Variants in WDR70 observed in about 807,000 individuals in gnomAD.
The protein encoded by WDR70 is WD repeat domain 70, also known as WD repeat-containing protein 70.
Under a neutral mutation model 88.6 loss-of-function variants are expected in WDR70, and 53 were observed. That is an observed-to-expected ratio of 0.60 (90% confidence interval 0.48 to 0.75). WDR70 has a LOEUF of 0.75. Among genes scored for constraint, WDR70 ranks in the 30% least tolerant of loss-of-function variants. The pLI, the probability that WDR70 is intolerant of heterozygous loss-of-function variation, is 0.00. For missense variants in WDR70, 610 were observed against 823.2 expected, an observed-to-expected ratio of 0.74 and a Z score of 3.17; for synonymous variants, 280 against 270.0, an observed-to-expected ratio of 1.04 and a Z score of -0.36.
chr5:37,609,565 T>C (rs1413988653), intron 10 of WDR70, among the ~76,000 whole-genome samples: 1 of 152,086 alleles, frequency 6.6e-6, no homozygotes, highest in Non-Finnish European at 1.5e-5. Context: ...TAGACACAGG[T>C]GATGGGAGGG....
Position 37,739,683 on chromosome 5 carries a change from T to C in WDR70, c.1877+12638T>C, listed in dbSNP as rs568117434. ...TATATACTTTAAGTTCTGGGATACA[T>C]GTGCAGAACATACAGGTTTGTTACA... On this transcript the variant is annotated intron_variant, in intron 17 of 17. Transcript: ENST00000265107. Among the ~76,000 whole-genome samples the C allele has an allele frequency of 9.2e-5, 14 of 152,278 alleles. No individual in the cohort carries two copies. In the East Asian group the frequency reaches 2.7e-3, roughly 29 times the overall value.
chr5:37,462,511 T>G (rs1739037397), intron 7 of WDR70, among the ~76,000 whole-genome samples: 1 of 152,052 alleles, frequency 6.6e-6, no homozygotes, highest in African/African-American at 2.4e-5. Flanking sequence ...ACCGTGTTAG[T>G]TAGGATGGTC....
intron 10 of WDR70, among the ~76,000 whole-genome samples, chr5:37,677,898 T>A (rs1186226476): frequency 6.6e-6 from 1 of 152,210 alleles, no homozygotes; most frequent in Non-Finnish European, 1.5e-5. Context: ...AGGACTTGCT[T>A]TATGAATCTG....
chr5:37,381,976 T>G (rs968931045), intron 3 of WDR70, among the ~76,000 whole-genome samples: 1 of 148,712 alleles, frequency 6.7e-6, no homozygotes, highest in Non-Finnish European at 1.5e-5. Flanking sequence ...TCAGTTGAAG[T>G]CGGGAGGCAG....
chr5:37,390,488 G>A (rs1398721567), intron 3 of WDR70, among the ~76,000 whole-genome samples: 2 of 151,142 alleles, frequency 1.3e-5, no homozygotes, highest in Admixed American at 6.6e-5. Flanking sequence ...TACAGGCGCC[G>A]GCCACTACGC....
intron 8 of WDR70, among the ~76,000 whole-genome samples, chr5:37,509,449 A>G (rs890765035): frequency 6.6e-6 from 1 of 151,680 alleles, no homozygotes; most frequent in African/African-American, 2.4e-5. Context: ...AAAAAAAAAA[A>G]TTCTGGCCTC....
chr5:37,752,098 C>A (rs545861106), intron 17 of WDR70, among the ~76,000 whole-genome samples: 4 of 152,264 alleles, frequency 2.6e-5, no homozygotes, highest in African/African-American at 9.6e-5. Context: ...AATAAATGGT[C>A]TTAATAAAGA....
intron 10 of WDR70, chr5:37,619,972 A>G (rs867580512): frequency 7.0e-6 from 1 of 142,350 alleles, no homozygotes; most frequent in South Asian, 2.2e-4. Flanking sequence ...GCAAAATGAT[A>G]CAAAACTGTC....
chr5:37,512,269 C>T (rs887553429), intron 8 of WDR70, among the ~76,000 whole-genome samples: 1 of 151,990 alleles, frequency 6.6e-6, no homozygotes. Flanking sequence ...GTTGCCCAGG[C>T]TGGAGTGTAG....
chr5:37,542,400 C>T (rs566668771), intron 9 of WDR70, among the ~76,000 whole-genome samples: 2 of 152,034 alleles, frequency 1.3e-5, no homozygotes, highest in African/African-American at 2.4e-5. Context: ...CTGCCTCAGC[C>T]TCCTGAGTAG....
rs112399515 is a variant in WDR70, at chr5:37,476,904, A to G, written c.687-2930A>G. 7.3e-3 allele frequency among the ~76,000 whole-genome samples: 1,113 copies of G among 152,290 alleles called. 17 individuals are homozygous for G. The highest frequency in any genetic ancestry group is 0.025 in the African/African-American group (1,048 of 41,560). The stretch of plus-strand genomic sequence containing the variant: ...TAGGCTGGAGTGTAGTGACGCGATC[A>G]TAGCTCATTGCATAGCTGGGATTAT... On this transcript the variant is annotated intron_variant, in intron 7 of 17. Transcript: ENST00000265107.
intron 7 of WDR70, among the ~76,000 whole-genome samples, chr5:37,463,199 G>T (rs1227983501): frequency 2.0e-5 from 3 of 152,150 alleles, no homozygotes; most frequent in African/African-American, 7.2e-5. Flanking sequence ...TGGAACCCAG[G>T]AGGTGGTGGT....
intron 10 of WDR70, among the ~76,000 whole-genome samples, chr5:37,616,418 A>C (rs549361664): frequency 2.0e-5 from 3 of 152,152 alleles, no homozygotes; most frequent in Admixed American, 6.5e-5. Context: ...TAAATCAAAA[A>C]ACTTTTTAGT....
chr5:37,546,780 G>T (rs576444738), intron 9 of WDR70, among the ~76,000 whole-genome samples: 1 of 152,004 alleles, frequency 6.6e-6, no homozygotes, highest in African/African-American at 2.4e-5. Context: ...TTAGCCAGGC[G>T]TGGTGGCACA....
chr5:37,461,121 AAAAAT>A (rs1184240582), intron 7 of WDR70, among the ~76,000 whole-genome samples: 10 of 148,458 alleles, frequency 6.7e-5, no homozygotes, highest in African/African-American at 2.6e-4. Flanking sequence ...AAAAAAAAAA[AAAAAT>A]AAAGGGTTGT....
intron 8 of WDR70, among the ~76,000 whole-genome samples, chr5:37,487,925 A>G (rs998757736): frequency 1.3e-5 from 2 of 151,978 alleles, no homozygotes; most frequent in Non-Finnish European, 2.9e-5. Flanking sequence ...CATCCAGCCC[A>G]TAGTTGTTAC....
At chr5:37,588,432 G>T (rs1303438787) in intron 9 of WDR70, among the ~76,000 whole-genome samples, 1 of 151,926 alleles carries the variant, frequency 6.6e-6, no homozygotes, top group Non-Finnish European at 1.5e-5. Context: ...GAGGTTAGAG[G>T]GAAAAAAGGA....
chr5:37,515,485 C>G (rs1310449367), intron 8 of WDR70, among the ~76,000 whole-genome samples: 1 of 152,194 alleles, frequency 6.6e-6, no homozygotes, highest in Non-Finnish European at 1.5e-5. Context: ...GGTATTGGTT[C>G]AATTCATGCC....
chr5:37,738,895 A>G (rs1340129955), intron 17 of WDR70, among the ~76,000 whole-genome samples: 1 of 152,254 alleles, frequency 6.6e-6, no homozygotes, highest in Non-Finnish European at 1.5e-5. Context: ...ATGAAATCAT[A>G]TTAACTATTA....
Sources: gnomAD v4.1 joint callset for allele counts (sites outside exome capture counted in the v4.1 genomes callset) on GRCh38, gnomAD v4.1.1 for gene constraint, MANE v1.5 for transcripts, NCBI Gene and HGNC (gene_info 2026-07-23, HGNC 2026-07-21) for gene names.